Variants in PRELID2 observed in about 807,000 individuals in gnomAD.
PRELID2 encodes the protein PRELI domain containing 2.
PRELID2 carries 25 observed loss-of-function variants against 28.4 expected under a neutral mutation model. The observed-to-expected ratio is 0.88, with a 90% CI of 0.64 to 1.23. PRELID2 has a LOEUF of 1.23. Among genes scored for constraint, PRELID2 ranks in the 50% most tolerant of loss-of-function variants. The pLI, the probability that PRELID2 is intolerant of heterozygous loss-of-function variation, is 0.00. For synonymous variants in PRELID2, 76 were observed against 71.6 expected (o/e 1.06, Z -0.31); for missense variants, 201 against 214.4 (o/e 0.94, Z 0.39).
At chr5:145,514,167 G>A (rs971519384) in intron 1 of PRELID2, among the ~76,000 whole-genome samples, 1 of 152,016 alleles carries the variant, frequency 6.6e-6, no homozygotes, top group African/African-American at 2.4e-5. Flanking sequence ...AATGTAAATG[G>A]GTTAAATGCC....
At chr5:145,331,883 G>C in the PRELID2 span, among the ~76,000 whole-genome samples, 1 of 152,092 alleles carries the variant, frequency 6.6e-6, no homozygotes, top group Non-Finnish European at 1.5e-5. Flanking sequence ...TTTACAATTT[G>C]GCATGTTTTT....
At chr5:145,411,904 A>T in the PRELID2 span, among the ~76,000 whole-genome samples, 1 of 152,164 alleles carries the variant, frequency 6.6e-6, no homozygotes, top group African/African-American at 2.4e-5. Context: ...GAAGCCGCCA[A>T]ATATGGGCTT....
At chr5:145,568,280 T>C (rs1752985662) in intron 1 of PRELID2, among the ~76,000 whole-genome samples, 1 of 152,186 alleles carries the variant, frequency 6.6e-6, no homozygotes, top group African/African-American at 2.4e-5. Flanking sequence ...GGGGACAGAA[T>C]TCTCCCCCAA....
chr5:145,609,091 G>C (rs183030081), intron 1 of PRELID2, among the ~76,000 whole-genome samples: 40 of 152,282 alleles, frequency 2.6e-4, no homozygotes, highest in Middle Eastern at 3.4e-3. Context: ...TTCTTGAAAT[G>C]AGTTTTTCAG....
chr5:145,322,320 C>T, the PRELID2 span, among the ~76,000 whole-genome samples: 1 of 152,148 alleles, frequency 6.6e-6, no homozygotes, highest in Admixed American at 6.5e-5. Context: ...CCTCTTAGGA[C>T]CAGGAGAATA....
chr5:145,441,645 A>G, the PRELID2 span, among the ~76,000 whole-genome samples: 25 of 152,128 alleles, frequency 1.6e-4, no homozygotes, highest in Admixed American at 2.0e-4. Context: ...GCTGATTTCC[A>G]TAATTCCTAG....
chr5:145,572,519 T>C (rs1480765280), intron 1 of PRELID2, among the ~76,000 whole-genome samples: 1 of 152,234 alleles, frequency 6.6e-6, no homozygotes, highest in Non-Finnish European at 1.5e-5. Flanking sequence ...GCTATATAAA[T>C]GTTAACTATC....
At chr5:145,333,686 T>C in the PRELID2 span, among the ~76,000 whole-genome samples, 1 of 152,060 alleles carries the variant, frequency 6.6e-6, no homozygotes, top group Non-Finnish European at 1.5e-5. Flanking sequence ...TTCAAGTCAG[T>C]GAATCTTAGC....
At chr5:145,821,072 G>A (rs1017875477) in intron 2 of PRELID2, among the ~76,000 whole-genome samples, 3 of 151,850 alleles carry the variant, frequency 2.0e-5, no homozygotes, top group African/African-American at 7.3e-5. Context: ...TTTGCCTGGT[G>A]CCAGCTGTGA....
rs891817142 is a variant in PRELID2, at chr5:145,759,063, C to A, written c.*1473G>T. The A allele has an allele frequency of 7.4e-6, 1 of 135,698 alleles. No homozygotes were observed. The highest frequency in any genetic ancestry group is 2.4e-4 in the South Asian group (1 of 4,238). 8.4% of individuals were successfully genotyped at this position (135,698 alleles called of 1,614,324 possible). Reference sequence around the variant, plus strand: ...TCACCCAGGCTGGGGTGCAGTGGCACAATCTCAGCTTACTGCAACCTTCAC... The same window carrying A: ...TCACCCAGGCTGGGGTGCAGTGGCAAAATCTCAGCTTACTGCAACCTTCAC... On this transcript the variant is annotated 3_prime_UTR_variant, in exon 7 of 7. Coordinates refer to ENST00000683046, the MANE Select transcript of PRELID2 (RefSeq NM_205846.3).
At chr5:145,752,702 C>A (rs1372554836), downstream of PRELID2, among the ~76,000 whole-genome samples, 1 of 152,194 alleles carries the variant, frequency 6.6e-6, no homozygotes, top group Non-Finnish European at 1.5e-5. Context: ...CCTCTCCTCA[C>A]CCCACATCCT....
chr5:145,395,703 T>C, the PRELID2 span, among the ~76,000 whole-genome samples: 4 of 152,058 alleles, frequency 2.6e-5, no homozygotes, highest in Non-Finnish European at 5.9e-5. Flanking sequence ...ATTTTTCTGA[T>C]AATAAATTTC....
chr5:145,516,825 G>T (rs192051523), intron 1 of PRELID2, among the ~76,000 whole-genome samples: 3 of 151,980 alleles, frequency 2.0e-5, no homozygotes, highest in Admixed American at 1.3e-4. Flanking sequence ...GCACTCAGAA[G>T]TAATGCCACA....
the PRELID2 span, among the ~76,000 whole-genome samples, chr5:145,358,775 C>T: frequency 6.6e-6 from 1 of 152,096 alleles, no homozygotes; most frequent in African/African-American, 2.4e-5. Context: ...TTTTGCTTTC[C>T]AAATGTGCAT....
At chr5:145,463,624 C>G in the PRELID2 span, among the ~76,000 whole-genome samples, 1 of 152,112 alleles carries the variant, frequency 6.6e-6, no homozygotes, top group Non-Finnish European at 1.5e-5. Flanking sequence ...AAATGAAAAT[C>G]ACTGTCTACT....
chr5:145,704,707 C>A (rs1461192742), intron 1 of PRELID2, among the ~76,000 whole-genome samples: 1 of 152,112 alleles, frequency 6.6e-6, no homozygotes, highest in Non-Finnish European at 1.5e-5. Context: ...TTGACTGGAC[C>A]AGGAGTGAAA....
At chr5:145,421,422 G>A in the PRELID2 span, among the ~76,000 whole-genome samples, 21 of 150,038 alleles carry the variant, frequency 1.4e-4, no homozygotes, top group African/African-American at 5.1e-4. Context: ...CCTGTTATTG[G>A]TCTATTCAGG....
At chr5:145,748,529 C>A (rs1006018670) in intron 1 of PRELID2, among the ~76,000 whole-genome samples, 20 of 152,118 alleles carry the variant, frequency 1.3e-4, no homozygotes, top group African/African-American at 4.1e-4. Flanking sequence ...GAATCAATGT[C>A]CTGAAAATGG....
At chr5:145,373,393 TATG>T in the PRELID2 span, among the ~76,000 whole-genome samples, 2 of 80,030 alleles carry the variant, frequency 2.5e-5, no homozygotes, top group African/African-American at 4.8e-5. Context: ...ATATAATATA[TATG>T]ATATTATATA....
Sources: gnomAD v4.1 joint callset for allele counts (sites outside exome capture counted in the v4.1 genomes callset) on GRCh38, gnomAD v4.1.1 for gene constraint, MANE v1.5 for transcripts, NCBI Gene and HGNC (gene_info 2026-07-23, HGNC 2026-07-21) for gene names.